Variants in ABCC4 observed in about 807,000 individuals in gnomAD.
ABCC4 encodes the protein ATP binding cassette subfamily C member 4 (PEL blood group), also known as ATP-binding cassette sub-family C member 4.
Under a neutral mutation model 168.5 loss-of-function variants are expected in ABCC4, and 102 were observed. That is an observed-to-expected ratio of 0.61 (90% confidence interval 0.52 to 0.71). The LOEUF (loss-of-function observed/expected upper bound fraction) is 0.71. ABCC4 is among the 30% of genes least tolerant of loss of function. ABCC4 has a pLI of 0.00. For synonymous variants in ABCC4, 617 were observed against 590.7 expected (o/e 1.04, Z -0.65); for missense variants, 1,402 against 1,605.8 (o/e 0.87, Z 2.17).
intron 1 of ABCC4, among the ~76,000 whole-genome samples, chr13:95,298,261 C>G (rs1008030075): frequency 2.0e-5 from 3 of 151,982 alleles, no homozygotes; most frequent in Admixed American, 6.6e-5. Context: ...TGCACTCCAG[C>G]CTGGGTGACA....
intron 27 of ABCC4, among the ~76,000 whole-genome samples, chr13:95,045,323 CT>C (rs2032531026): frequency 6.6e-6 from 1 of 152,088 alleles, no homozygotes; most frequent in African/African-American, 2.4e-5. Flanking sequence ...CTTATAGGCA[CT>C]TTACCATTTT....
Position 95,074,197 on chromosome 13 carries a change from T to C in ABCC4, c.2917+17A>G. 6.4e-7 allele frequency: 1 copy of C among 1,567,064 alleles called. No homozygotes were observed. The highest frequency in any genetic ancestry group is 8.8e-7 in the Non-Finnish European group (1 of 1,142,336). Reference sequence around the variant, plus strand: ...ATTGTAATCATACCATACATAGTTATTCACATCTGTACTTACTTTTTGCCA... The same window carrying C: ...ATTGTAATCATACCATACATAGTTACTCACATCTGTACTTACTTTTTGCCA... On this transcript the variant is annotated intron_variant, in intron 23 of 30. Coordinates refer to ENST00000645237, the MANE Select transcript of ABCC4 (RefSeq NM_005845.5).
chr13:95,069,148 A>G (rs1401955764), intron 25 of ABCC4, among the ~76,000 whole-genome samples: 2 of 152,204 alleles, frequency 1.3e-5, no homozygotes, highest in African/African-American at 2.4e-5. Context: ...AGCTGAAAAG[A>G]GCAGTTCCGA....
rs761548525 is a variant in ABCC4 at position 95,259,821 on chromosome 13, G to GT, written c.75-12069dup. ...GCATCTATGTTAACAAAGAATTACA[G>GT]TAAGATGGGACATGTTACATCTGTG... On this transcript the variant is annotated intron_variant, in intron 1 of 30. Transcript: ENST00000645237. Among the ~76,000 whole-genome samples, 197 of 149,828 alleles carry GT rather than the reference G, an allele frequency of 1.3e-3. 3 individuals are homozygous for GT. Among genetic ancestry groups the GT allele is most frequent in the Non-Finnish European group, 2.1e-3 (139 of 67,788 alleles).
chr13:95,263,096 C>A (rs893929928), intron 1 of ABCC4, among the ~76,000 whole-genome samples: 1 of 152,076 alleles, frequency 6.6e-6, no homozygotes, highest in Admixed American at 6.5e-5. Flanking sequence ...TGCATCAAAG[C>A]GCAAGGCGGG....
intron 1 of ABCC4, among the ~76,000 whole-genome samples, chr13:95,282,780 A>G (rs9524883): frequency 0.96 from 145,290 of 151,950 alleles, 69,540 homozygotes; most frequent in Non-Finnish European, 0.98. Flanking sequence ...TGATCTGCCC[A>G]CCTTGGCCTC....
intron 20 of ABCC4, among the ~76,000 whole-genome samples, chr13:95,111,024 C>G (rs2035188305): frequency 6.7e-6 from 1 of 148,450 alleles, no homozygotes; most frequent in Non-Finnish European, 1.5e-5. Flanking sequence ...AGGAAGTAAT[C>G]AAGCACTTTA....
At chr13:95,158,692 T>G (rs1391481928) in intron 19 of ABCC4, among the ~76,000 whole-genome samples, 1 of 152,154 alleles carries the variant, frequency 6.6e-6, no homozygotes. Flanking sequence ...TGCCAGATAC[T>G]TATACATATT....
rs562688927 is a variant in ABCC4, at chr13:95,252,536, G to A, written c.75-4783C>T. Among the ~76,000 whole-genome samples, 15 of 152,262 alleles carry A rather than the reference G, an allele frequency of 9.9e-5. 1 individual carries two copies. The highest frequency in any genetic ancestry group is 5.9e-4 in the Admixed American group (9 of 15,298). ...ACTAAAATACAAAAATTACCCAGGC[G>A]TGGTGGCAGGCACCTGTGATCCCAG... On this transcript the variant is annotated intron_variant, in intron 1 of 30. Transcript: ENST00000645237.
intron 19 of ABCC4, among the ~76,000 whole-genome samples, chr13:95,118,879 G>A (rs1234131330): frequency 6.6e-6 from 1 of 152,166 alleles, no homozygotes; most frequent in African/African-American, 2.4e-5. Context: ...CATACAAAGT[G>A]AATCGAATTT....
chr13:95,270,113 C>T (rs2040807923), intron 1 of ABCC4, among the ~76,000 whole-genome samples: 5 of 152,068 alleles, frequency 3.3e-5, no homozygotes, highest in Non-Finnish European at 7.4e-5. Flanking sequence ...TTGTATAGCT[C>T]TTCAACGTTG....
intron 27 of ABCC4, among the ~76,000 whole-genome samples, chr13:95,045,273 G>T (rs2032528952): frequency 6.6e-6 from 1 of 152,112 alleles, no homozygotes; most frequent in Non-Finnish European, 1.5e-5. Context: ...AATTTAAAAA[G>T]AAAATTACTG....
intron 19 of ABCC4, among the ~76,000 whole-genome samples, chr13:95,157,371 C>A (rs1000819329): frequency 6.6e-6 from 1 of 151,790 alleles, no homozygotes; most frequent in Non-Finnish European, 1.5e-5. Context: ...TGGCAGACAC[C>A]TGTAATACCA....
intron 4 of ABCC4, 117 bp from the exon 5 acceptor site, chr13:95,210,898 C>T (rs2038936002): frequency 1.6e-6 from 1 of 639,588 alleles, no homozygotes; most frequent in South Asian, 2.1e-5. Context: ...TAAGCACAAG[C>T]ATCCCCACCC....
rs978216765 is a variant in ABCC4, at chr13:95,020,542, G to C, written c.*1033C>G. On this transcript the variant is annotated 3_prime_UTR_variant, in exon 31 of 31. Transcript: ENST00000645237. ...GTCAGGAGTAAACTAACCTGGACAG[G>C]CTCATGAAAATGAACCCCTGGATGC... The C allele has an allele frequency of 2.6e-5, 4 of 152,368 alleles. No individual in the cohort carries two copies. Among genetic ancestry groups the C allele is most frequent in the African/African-American group, 9.7e-5 (4 of 41,442 alleles). 9.4% of individuals were successfully genotyped at this position (152,368 alleles called of 1,614,324 possible).
chr13:95,032,251 A>C (rs2031908638), intron 30 of ABCC4, among the ~76,000 whole-genome samples: 1 of 152,170 alleles, frequency 6.6e-6, no homozygotes, highest in Non-Finnish European at 1.5e-5. Context: ...GCTAGCTATG[A>C]GATCATGGGC....
intron 20 of ABCC4, among the ~76,000 whole-genome samples, chr13:95,087,530 A>G (rs1388768058): frequency 6.6e-6 from 1 of 152,164 alleles, no homozygotes; most frequent in East Asian, 1.9e-4. Context: ...GACTAACATA[A>G]CAGGTTGTGC....
At chr13:95,084,145 T>C (rs973606340) in intron 20 of ABCC4, among the ~76,000 whole-genome samples, 17 of 152,246 alleles carry the variant, frequency 1.1e-4, no homozygotes, top group Admixed American at 2.0e-4. Context: ...ATGCTGATTG[T>C]ATATCTGGCT....
intron 20 of ABCC4, among the ~76,000 whole-genome samples, chr13:95,114,191 T>C (rs191251800): frequency 6.6e-6 from 1 of 152,336 alleles, no homozygotes; most frequent in African/African-American, 2.4e-5. Flanking sequence ...CTTGTCTCTC[T>C]GGTTAAATAG....
Sources: gnomAD v4.1 joint callset for allele counts (sites outside exome capture counted in the v4.1 genomes callset) on GRCh38, gnomAD v4.1.1 for gene constraint, MANE v1.5 for transcripts, NCBI Gene and HGNC (gene_info 2026-07-23, HGNC 2026-07-21) for gene names.